DPH6: variants seen among roughly 807,000 people sequenced by gnomAD.
DPH6 encodes diphthamine biosynthesis 6.
Under a neutral mutation model 38.2 loss-of-function variants are expected in DPH6, and 33 were observed. That is an observed-to-expected ratio of 0.86 (90% CI 0.65 to 1.15). DPH6 has a LOEUF of 1.15. Among genes scored for constraint, DPH6 ranks in the 50% most tolerant of loss-of-function variants. The pLI is 0.00. For synonymous variants in DPH6, 108 were observed against 103.0 expected (o/e 1.05, Z -0.30); for missense variants, 325 against 320.0 (o/e 1.02, Z -0.12).
In DPH6 at chr15:35,371,784, A is replaced by G. The variant is rs1002239254; in HGVS notation, c.*366T>C. ...CTTCATTTTCAAATGCCTCTGCATCATGACATTATTGGTAGGGATTGGAGC... is the reference window on the plus strand; with the variant it reads ...CTTCATTTTCAAATGCCTCTGCATCGTGACATTATTGGTAGGGATTGGAGC... On this transcript the variant is annotated 3_prime_UTR_variant, in exon 9 of 9. Transcript: ENST00000256538. The G allele has an allele frequency of 1.3e-5, 13 of 998,294 alleles. No homozygotes were observed. The highest frequency in any genetic ancestry group is 1.7e-5 in the African/African-American group (1 of 57,386). The allele number at this position is 998,294 out of a possible 1,614,324, so 61.8% of individuals were successfully genotyped here. A position where few individuals can be genotyped will look rare whatever the true frequency, so the allele number is the denominator to read the frequency against.
chr15:35,165,720 G>GT, the DPH6 span, among the ~76,000 whole-genome samples: 1 of 151,832 alleles, frequency 6.6e-6, no homozygotes, highest in South Asian at 2.1e-4. Flanking sequence ...GTTTAAACAT[G>GT]TTTTCTTAAG....
intron 3 of DPH6, among the ~76,000 whole-genome samples, chr15:35,494,821 C>T (rs1419668522): frequency 6.6e-6 from 1 of 151,234 alleles, no homozygotes; most frequent in African/African-American, 2.4e-5. Flanking sequence ...AACAAATGAA[C>T]AATAAATGAG....
chr15:35,233,872 T>C (rs1212811869), intron 3 of DPH6, among the ~76,000 whole-genome samples: 2 of 152,230 alleles, frequency 1.3e-5, no homozygotes, highest in Non-Finnish European at 2.9e-5. Flanking sequence ...GCTGGCTTCT[T>C]GTCAATCAAA....
chr15:35,352,165 T>A (rs1451268138), intron 3 of DPH6, among the ~76,000 whole-genome samples: 1 of 152,248 alleles, frequency 6.6e-6, no homozygotes, highest in Non-Finnish European at 1.5e-5. Context: ...TTTGTCTTTA[T>A]GTTTAGCTTT....
At chr15:35,422,379 T>G (rs1048143526) in intron 5 of DPH6, among the ~76,000 whole-genome samples, 3 of 151,974 alleles carry the variant, frequency 2.0e-5, no homozygotes, top group African/African-American at 7.2e-5. Context: ...AATGAAATGT[T>G]CAAAATGCAA....
chr15:35,485,312 G>A (rs2054382532), intron 3 of DPH6, among the ~76,000 whole-genome samples: 1 of 152,140 alleles, frequency 6.6e-6, no homozygotes, highest in African/African-American at 2.4e-5. Flanking sequence ...GATCTTTTGT[G>A]TTGCCATGTG....
At chr15:35,234,931 T>C (rs1441541079) in intron 3 of DPH6, among the ~76,000 whole-genome samples, 9 of 152,218 alleles carry the variant, frequency 5.9e-5, no homozygotes, top group Admixed American at 5.9e-4. Flanking sequence ...AGAGATAAAA[T>C]GTGTGAACAC....
At chr15:35,213,408 T>C (rs748116833), downstream of DPH6, among the ~76,000 whole-genome samples, 2 of 152,226 alleles carry the variant, frequency 1.3e-5, no homozygotes, top group Non-Finnish European at 2.9e-5. Flanking sequence ...TCATTGTAGA[T>C]ATGAACTTTT....
the DPH6 span, among the ~76,000 whole-genome samples, chr15:35,206,065 G>GA: frequency 6.6e-6 from 1 of 151,978 alleles, no homozygotes; most frequent in Non-Finnish European, 1.5e-5. Flanking sequence ...GGTAGTAGAA[G>GA]TTTTAGAATG....
chr15:35,427,019 G>T (rs1468096953), intron 5 of DPH6, among the ~76,000 whole-genome samples: 1 of 126,000 alleles, frequency 7.9e-6, no homozygotes, highest in Non-Finnish European at 1.6e-5. Context: ...AAAAAAAAAA[G>T]ATAAAAAAAA....
intron 3 of DPH6, among the ~76,000 whole-genome samples, chr15:35,480,597 A>G (rs2054314665): frequency 6.6e-6 from 1 of 152,068 alleles, no homozygotes. Flanking sequence ...CCATGAATAA[A>G]ATGTTTGCTA....
chr15:35,342,431 C>T (rs1317849983), intron 3 of DPH6, among the ~76,000 whole-genome samples: 2 of 152,216 alleles, frequency 1.3e-5, no homozygotes, highest in African/African-American at 4.8e-5. Flanking sequence ...CCTTTGGCTC[C>T]ATGCTGCTCC....
chr15:35,442,678 T>C (rs1223014557), intron 5 of DPH6, among the ~76,000 whole-genome samples: 1 of 152,182 alleles, frequency 6.6e-6, no homozygotes, highest in African/African-American at 2.4e-5. Context: ...TAACAGAATA[T>C]TATATGGCAA....
intron 3 of DPH6, among the ~76,000 whole-genome samples, chr15:35,469,077 A>G (rs1210576974): frequency 6.7e-6 from 1 of 150,178 alleles, no homozygotes; most frequent in Non-Finnish European, 1.5e-5. Flanking sequence ...CTTCAAAACA[A>G]CAACAACAAC....
At chr15:35,442,488 T>C (rs1313315806) in intron 5 of DPH6, among the ~76,000 whole-genome samples, 1 of 152,106 alleles carries the variant, frequency 6.6e-6, no homozygotes, top group African/African-American at 2.4e-5. Context: ...ACGTTAAACA[T>C]AGAATTATCA....
In DPH6 at chr15:35,386,382, C is replaced by T. The variant is rs2052957899; in HGVS notation, c.568-4466G>A. Among the ~76,000 whole-genome samples, 9 of 152,182 alleles carry T rather than the reference C, an allele frequency of 5.9e-5. No individual in the cohort carries two copies. The South Asian group carries it at 1.7e-3, about 28-fold the overall frequency. ...ATACCCAGTAATGGGATGGCTGGGTCAAATGGTATTTCTAGTTCTAGATCC... is the reference window on the plus strand; with the variant it reads ...ATACCCAGTAATGGGATGGCTGGGTTAAATGGTATTTCTAGTTCTAGATCC... On this transcript the variant is annotated intron_variant, in intron 6 of 8. Transcript: ENST00000256538.
Position 35,245,324 on chromosome 15 carries a change from C to T in DPH6, n.201-24742G>A, listed in dbSNP as rs547078676. Among the ~76,000 whole-genome samples the T allele has an allele frequency of 1.7e-4, 25 of 150,654 alleles. 1 individual carries two copies. The East Asian group carries it at 3.0e-3, about 18-fold the overall frequency. ...TGCCATCTCGGCTCACTGCAAGCTC[C>T]GCCTCCCGGGTTCACGCCATTCTCC... On this transcript the variant is annotated intron_variant and non_coding_transcript_variant, in intron 3 of 3. Coordinates refer to the DPH6 transcript ENST00000560386.
the DPH6 span, among the ~76,000 whole-genome samples, chr15:35,168,097 T>C: frequency 5.3e-5 from 8 of 152,086 alleles, no homozygotes; most frequent in Non-Finnish European, 1.0e-4. Flanking sequence ...ATTAAAACTC[T>C]TCTCACTGCT....
chr15:35,499,934 A>C (rs1000296783), intron 3 of DPH6, among the ~76,000 whole-genome samples: 1 of 152,178 alleles, frequency 6.6e-6, no homozygotes, highest in Non-Finnish European at 1.5e-5. Flanking sequence ...CAGTTTGCTA[A>C]AGAAATCATC....
Sources: allele counts gnomAD v4.1 joint callset (sites outside exome capture counted in the v4.1 genomes callset), GRCh38; gene constraint gnomAD v4.1.1; transcripts MANE v1.5; gene names NCBI Gene and HGNC (gene_info 2026-07-23, HGNC 2026-07-21).